The following C2orf76 variants were observed in gnomAD, a reference collection of about 807,000 sequenced individuals.
The protein encoded by C2orf76 is UPF0538 protein C2orf76.
A neutral mutation model predicts 16.9 loss-of-function variants in C2orf76; 23 were observed. The observed-to-expected ratio is 1.36, with a 90% confidence interval of 0.98 to 1.93. C2orf76 has a LOEUF of 1.93. Ranked by LOEUF, C2orf76 falls within the 30% of genes most tolerant of loss-of-function variation. C2orf76 has a pLI of 0.00. For synonymous variants in C2orf76, 48 were observed against 52.3 expected (o/e 0.92, Z 0.35); for missense variants, 152 against 152.6 (o/e 1.00, Z 0.02).
chr2:119,343,475 TACAC>T (rs59651595), intron 1 of C2orf76, among the ~76,000 whole-genome samples: 37,565 of 145,846 alleles, frequency 0.26, 4,996 homozygotes, highest in Non-Finnish European at 0.31. Flanking sequence ...CACCTATACC[TACAC>T]ACACACACAC....
At chr2:119,291,022 C>T in the C2orf76 span, among the ~76,000 whole-genome samples, 1 of 151,892 alleles carries the variant, frequency 6.6e-6, no homozygotes, top group Non-Finnish European at 1.5e-5. Context: ...ACCGGCTCGG[C>T]CTCATCAGTT....
chr2:119,343,173 A>G (rs559428443), intron 1 of C2orf76, among the ~76,000 whole-genome samples: 84 of 152,312 alleles, frequency 5.5e-4, no homozygotes, highest in African/African-American at 1.9e-3. Context: ...ATCTTTTCAC[A>G]ATTTCAATAT....
intron 2 of C2orf76, among the ~76,000 whole-genome samples, chr2:119,326,755 G>T (rs1020587189): frequency 2.0e-5 from 3 of 152,034 alleles, no homozygotes; most frequent in Admixed American, 6.6e-5. Context: ...GATATTTAAA[G>T]TTTTTAGAGT....
At chr2:119,288,813 G>A in the C2orf76 span, among the ~76,000 whole-genome samples, 1 of 151,906 alleles carries the variant, frequency 6.6e-6, no homozygotes, top group Non-Finnish European at 1.5e-5. Context: ...TCCCCTCTGA[G>A]GACAAGTCAC....
At chr2:119,284,290 C>T in the C2orf76 span, among the ~76,000 whole-genome samples, 2 of 152,176 alleles carry the variant, frequency 1.3e-5, no homozygotes, top group East Asian at 1.9e-4. Context: ...TGGCTAAGCA[C>T]TTGGCCGACA....
chr2:119,332,154 CAA>C, intron 2 of C2orf76, among the ~76,000 whole-genome samples: 1 of 152,124 alleles, frequency 6.6e-6, no homozygotes, highest in South Asian at 2.1e-4. Flanking sequence ...ATTGAAATAT[CAA>C]GAGGCAATAA....
intron 1 of C2orf76, among the ~76,000 whole-genome samples, chr2:119,365,340 G>A (rs72831290): frequency 0.019 from 2,866 of 152,244 alleles, 38 homozygotes; most frequent in South Asian, 0.054. Context: ...TGTGATTTTC[G>A]AAGAAACCTG....
At chr2:119,350,749 C>T (rs1465027516) in intron 1 of C2orf76, among the ~76,000 whole-genome samples, 1 of 152,188 alleles carries the variant, frequency 6.6e-6, no homozygotes, top group Non-Finnish European at 1.5e-5. Flanking sequence ...CAGGCAAAGC[C>T]AGAACAAGCT....
intron 3 of C2orf76, among the ~76,000 whole-genome samples, chr2:119,318,573 T>C (rs1679250566): frequency 6.6e-6 from 1 of 151,372 alleles, no homozygotes; most frequent in African/African-American, 2.4e-5. Context: ...TCTGTCGCCT[T>C]GGCTGCAGTA....
At chr2:119,286,186 G>A in the C2orf76 span, among the ~76,000 whole-genome samples, 4 of 137,168 alleles carry the variant, frequency 2.9e-5, no homozygotes, top group Non-Finnish European at 4.5e-5. Context: ...AGATCATGCC[G>A]CCGCACTCCA....
At chr2:119,284,111 G>T in the C2orf76 span, among the ~76,000 whole-genome samples, 1 of 152,066 alleles carries the variant, frequency 6.6e-6, no homozygotes, top group Non-Finnish European at 1.5e-5. Context: ...CTCATTCCCA[G>T]CTGAGGAACT....
At chr2:119,348,582 A>C (rs935280437) in intron 1 of C2orf76, among the ~76,000 whole-genome samples, 1 of 152,112 alleles carries the variant, frequency 6.6e-6, no homozygotes, top group African/African-American at 2.4e-5. Flanking sequence ...GCTACTCGGG[A>C]GGCTGAGGAA....
At chr2:119,289,559 G>A in the C2orf76 span, among the ~76,000 whole-genome samples, 8 of 151,926 alleles carry the variant, frequency 5.3e-5, no homozygotes, top group African/African-American at 1.7e-4. Context: ...GGTGGCACGC[G>A]CCTATAGTCC....
chr2:119,320,779 CCTT>C (rs1679317395), intron 3 of C2orf76, among the ~76,000 whole-genome samples: 1 of 152,132 alleles, frequency 6.6e-6, no homozygotes, highest in Non-Finnish European at 1.5e-5. Flanking sequence ...TAGCTTCTTA[CCTT>C]ATTACTCCAT....
downstream of C2orf76, among the ~76,000 whole-genome samples, chr2:119,300,843 C>T (rs1454259735): frequency 6.6e-6 from 1 of 152,178 alleles, no homozygotes; most frequent in Non-Finnish European, 1.5e-5. Context: ...AGTGTTTCTA[C>T]TGAATGCCTA....
chr2:119,367,136 A>T (rs1681064713), upstream of C2orf76: 2 of 1,598,486 alleles, frequency 1.3e-6, no homozygotes, highest in African/African-American at 2.7e-5. Flanking sequence ...GGCTGCCAGA[A>T]GCTCTCGGGC....
downstream of C2orf76, among the ~76,000 whole-genome samples, chr2:119,299,586 G>GA (rs1678585860): frequency 6.6e-6 from 1 of 152,112 alleles, no homozygotes. Flanking sequence ...TGCTCCCTCT[G>GA]CAGGCTCTAG....
At chr2:119,358,974 G>A (rs954315500) in intron 1 of C2orf76, among the ~76,000 whole-genome samples, 16 of 152,188 alleles carry the variant, frequency 1.1e-4, no homozygotes, top group African/African-American at 3.9e-4. Flanking sequence ...TCTAGGATCT[G>A]CATAGCTAGG....
At chr2:119,337,131 C>CT (rs1407022390) in intron 2 of C2orf76, among the ~76,000 whole-genome samples, 10 of 151,874 alleles carry the variant, frequency 6.6e-5, no homozygotes, top group African/African-American at 2.4e-4. Flanking sequence ...TCAAAGCTCA[C>CT]TGCAGCCTCA....
Sources: gnomAD v4.1 joint callset for allele counts (sites outside exome capture counted in the v4.1 genomes callset) on GRCh38, gnomAD v4.1.1 for gene constraint, MANE v1.5 for transcripts, NCBI Gene and HGNC (gene_info 2026-07-23, HGNC 2026-07-21) for gene names.